Variants in CHUK observed in about 807,000 individuals in gnomAD.
CHUK encodes inhibitor of nuclear factor kappa-B kinase subunit alpha.
Under a neutral mutation model 104.8 loss-of-function variants are expected in CHUK, and 35 were observed. The ratio of observed to expected loss-of-function variants is 0.33; its 90% CI spans 0.26 to 0.44. The LOEUF (loss-of-function observed/expected upper bound fraction) is 0.44, where lower values mean the gene tolerates loss of function less well. Ranked by LOEUF, CHUK falls within the 20% of genes least tolerant of loss-of-function variation. The pLI is 1.00. For missense variants in CHUK, 663 were observed against 902.7 expected, an observed-to-expected ratio of 0.73 and a Z score of 3.40; for synonymous variants, 276 against 291.9, an observed-to-expected ratio of 0.95 and a Z score of 0.56.
At chr10:100,199,236 C>T (rs1845406836) in intron 16 of CHUK, among the ~76,000 whole-genome samples, 2 of 152,200 alleles carry the variant, frequency 1.3e-5, no homozygotes, top group African/African-American at 4.8e-5. Flanking sequence ...ATTTTCAAAG[C>T]AATCTGCTTT....
intron 20 of CHUK, chr10:100,190,587 C>T: frequency 6.7e-6 from 3 of 448,518 alleles, no homozygotes; most frequent in South Asian, 4.3e-5. Context: ...AGGTACAGAA[C>T]AAACCATTCA....
At chr10:100,199,386 G>C (rs746575714) in intron 16 of CHUK, among the ~76,000 whole-genome samples, 6 of 152,168 alleles carry the variant, frequency 3.9e-5, no homozygotes, top group Admixed American at 2.6e-4. Context: ...GAGTGCAGTG[G>C]TGTGATCTTG....
intron 9 of CHUK, among the ~76,000 whole-genome samples, chr10:100,212,805 G>A (rs1845758969): frequency 6.6e-6 from 1 of 151,976 alleles, no homozygotes; most frequent in Non-Finnish European, 1.5e-5. Flanking sequence ...AGGAGTTCAA[G>A]ACCAGCCTGG....
At chr10:100,208,021 T>C (rs1174833232) in intron 10 of CHUK, among the ~76,000 whole-genome samples, 1 of 152,210 alleles carries the variant, frequency 6.6e-6, no homozygotes, top group Admixed American at 6.5e-5. Flanking sequence ...ACCACAGTCA[T>C]ATTTTACCAC....
intron 1 of CHUK, among the ~76,000 whole-genome samples, chr10:100,228,662 AAAAC>A (rs1363481538): frequency 6.6e-6 from 1 of 152,188 alleles, no homozygotes; most frequent in African/African-American, 2.4e-5. Context: ...CTCAAAAACA[AAAAC>A]AAACAAACAA....
intron 12 of CHUK, 114 bp downstream of exon 12, chr10:100,204,962 T>C (rs1275877244): frequency 1.7e-6 from 2 of 1,191,364 alleles, no homozygotes; most frequent in African/African-American, 1.5e-5. Context: ...ACACTTCAAA[T>C]TGGCCCAGTA....
chr10:100,196,573 TA>T (rs768260370), intron 16 of CHUK, among the ~76,000 whole-genome samples: 1 of 151,998 alleles, frequency 6.6e-6, no homozygotes, highest in Non-Finnish European at 1.5e-5. Context: ...TTTATTGATT[TA>T]TTTTTTTGTA....
rs112903511 is a variant in CHUK at position 100,189,358 on chromosome 10, A to G, written c.*240T>C. On this transcript the variant is annotated 3_prime_UTR_variant, in exon 21 of 21. Coordinates refer to ENST00000370397, the MANE Select transcript of CHUK (RefSeq NM_001278.5). ...TCTAAATAGCTGTGGTATTAAAACAAATATTCAAACAAGTACATTGACTTT... is the reference window on the plus strand; with the variant it reads ...TCTAAATAGCTGTGGTATTAAAACAGATATTCAAACAAGTACATTGACTTT... The G allele has an allele frequency of 2.9e-4, 145 of 500,314 alleles. No homozygotes were observed. Among genetic ancestry groups the G allele is most frequent in the African/African-American group, 2.5e-3 (131 of 52,408 alleles). 31.0% of individuals were successfully genotyped at this position (500,314 alleles called of 1,614,324 possible).
In CHUK at chr10:100,205,126, A is replaced by T; in HGVS notation, c.1305T>A (p.Ser435=). 6.2e-7 allele frequency: 1 copy of T among 1,614,120 alleles called. No individual in the cohort carries two copies. The highest frequency in any genetic ancestry group is 8.5e-7 in the Non-Finnish European group (1 of 1,179,960). The change falls in exon 12 of 21, where the codon TCT becomes TCA. Residue 435 remains serine, a synonymous_variant. Coordinates refer to ENST00000370397, the MANE Select transcript of CHUK (RefSeq NM_001278.5). ...GCCTGCTATAGTCTTCTTTTAGTCCAGACACATAGTGCACTGCTTCAGCCC... is the reference window on the plus strand; with the variant it reads ...GCCTGCTATAGTCTTCTTTTAGTCCTGACACATAGTGCACTGCTTCAGCCC... ...KVWAEAVHYV[S]GLKEDYSRLF...
At chr10:100,192,827 CAA>C in intron 19 of CHUK, 1 of 742,006 alleles carries the variant, frequency 1.3e-6, no homozygotes, top group Non-Finnish European at 1.7e-6. Context: ...CTTAGAAATA[CAA>C]AGTTATAAAA....
chr10:100,198,239 G>A (rs1333362095), intron 16 of CHUK, among the ~76,000 whole-genome samples: 3 of 152,132 alleles, frequency 2.0e-5, no homozygotes, highest in Non-Finnish European at 2.9e-5. Flanking sequence ...AACTAGCAAC[G>A]TAAACAATTA....
chr10:100,192,706 C>A, intron 19 of CHUK: 2 of 986,932 alleles, frequency 2.0e-6, no homozygotes, highest in Non-Finnish European at 2.4e-6. Flanking sequence ...GAGAAAATAA[C>A]AGAAATGGAT....
chr10:100,199,862 C>T, intron 16 of CHUK, 109 bp downstream of exon 16: 1 of 819,416 alleles, frequency 1.2e-6, no homozygotes, highest in Non-Finnish European at 2.2e-6. Flanking sequence ...GGAATTTATT[C>T]TGCAGCTTTA....
rs1846192929 is a variant in CHUK, at chr10:100,229,592, C to T, written c.-60G>A. 2.0e-6 allele frequency: 2 copies of T among 996,516 alleles called. No individual in the cohort carries two copies. Among genetic ancestry groups the T allele is most frequent in the Non-Finnish European group, 2.9e-6 (2 of 679,448 alleles). The allele number at this position is 996,516 out of a possible 1,614,324, so 61.7% of individuals were successfully genotyped here. ...TTGTTCCAAGGCCGGTTCCGGGCCG[C>T]CGATGCTCGCGCGTCTTTGTTCTCG... On this transcript the variant is annotated 5_prime_UTR_variant, in exon 1 of 21. Coordinates refer to ENST00000370397, the MANE Select transcript of CHUK (RefSeq NM_001278.5).
intron 9 of CHUK, among the ~76,000 whole-genome samples, chr10:100,216,134 T>A (rs966554966): frequency 2.6e-5 from 4 of 152,242 alleles, no homozygotes; most frequent in Non-Finnish European, 5.9e-5. Flanking sequence ...ATGTGGACTC[T>A]TTCCCCGTGC....
intron 19 of CHUK, chr10:100,192,531 A>T: frequency 1.2e-6 from 1 of 837,060 alleles, no homozygotes; most frequent in Non-Finnish European, 1.4e-6. Flanking sequence ...CAACTGCATG[A>T]CCTCCTGAGC....
chr10:100,218,194 TAGAA>T (rs1564839642), intron 8 of CHUK, 64 bp from the exon 9 acceptor site: 1 of 1,425,466 alleles, frequency 7.0e-7, no homozygotes. Context: ...TTTATACTGT[TAGAA>T]AGGTAATTTT....
chr10:100,193,388 C>T lies in CHUK; in HGVS notation c.2018G>A (p.Gly673Asp), dbSNP rs1229373010. 2 of 1,614,114 alleles carry T rather than the reference C, an allele frequency of 1.2e-6. No homozygotes were observed. Among genetic ancestry groups the T allele is most frequent in the East Asian group, 2.2e-5 (1 of 44,876 alleles). ...TGCTGATGTCTGAGGGGTTACTGCA[C>T]CTTCTAGACTGGATCCTACAAGGGA... ...ARSLVGSSLE[G>D]AVTPQTSAWL... is the part of the protein sequence containing the mutation. The change falls in exon 19 of 21, where the codon GGT (glycine) becomes GAT (aspartate). Residue 673 changes from glycine to aspartate, a missense_variant. Physicochemically the swap from Gly to Asp is moderately conservative, Grantham distance 94. Around this residue, in one of 5 missense-constraint regions of CHUK, gnomAD observed 311 missense variants for 393.4 expected, o/e 0.79. Transcript: ENST00000370397.
At chr10:100,224,260 A>G (rs1846055628) in intron 2 of CHUK, among the ~76,000 whole-genome samples, 1 of 152,168 alleles carries the variant, frequency 6.6e-6, no homozygotes, top group Non-Finnish European at 1.5e-5. Flanking sequence ...ATGGAAGCAG[A>G]TACTCCAGCC....
Sources: gnomAD v4.1 joint callset for allele counts (sites outside exome capture counted in the v4.1 genomes callset) on GRCh38, gnomAD v4.1.1 for gene constraint, gnomAD v4.1.1 regional missense constraint, MANE v1.5 for transcripts, NCBI Gene and HGNC (gene_info 2026-07-23, HGNC 2026-07-21) for gene names.